The following PRKCE variants were observed in gnomAD, a reference collection of about 807,000 sequenced individuals.
The protein encoded by PRKCE is protein kinase C epsilon.
Under a neutral mutation model 85.4 loss-of-function variants are expected in PRKCE, and 16 were observed. That is an observed-to-expected ratio of 0.19 (90% CI 0.13 to 0.28). PRKCE has a LOEUF of 0.28. Among genes scored for constraint, PRKCE ranks in the 10% least tolerant of loss-of-function variants. The pLI, the probability that PRKCE is intolerant of heterozygous loss-of-function variation, is 1.00. For synonymous variants in PRKCE, 388 were observed against 371.5 expected (o/e 1.04, Z -0.51); for missense variants, 573 against 975.2 (o/e 0.59, Z 5.49).
chr2:46,128,182 A>G (rs1558483706), intron 11 of PRKCE, among the ~76,000 whole-genome samples: 2 of 152,042 alleles, frequency 1.3e-5, no homozygotes, highest in Non-Finnish European at 2.9e-5. Flanking sequence ...GTCATTTGCC[A>G]TTGTGTTGTT....
At chr2:46,069,346 C>G (rs537177648) in intron 10 of PRKCE, among the ~76,000 whole-genome samples, 1 of 152,156 alleles carries the variant, frequency 6.6e-6, no homozygotes, top group Non-Finnish European at 1.5e-5. Context: ...TGTCAGTAGG[C>G]CTTTTCTGGA....
At chr2:45,950,153 T>C (rs2104323711) in intron 2 of PRKCE, among the ~76,000 whole-genome samples, 1 of 152,362 alleles carries the variant, frequency 6.6e-6, no homozygotes, top group East Asian at 1.9e-4. Context: ...ATGTCTCTAA[T>C]TGGCATCCTG....
intron 13 of PRKCE, among the ~76,000 whole-genome samples, chr2:46,156,295 G>A (rs1476475788): frequency 6.6e-6 from 1 of 152,116 alleles, no homozygotes; most frequent in Non-Finnish European, 1.5e-5. Flanking sequence ...CTCAGCCTAG[G>A]TGTTGCCTCT....
intron 1 of PRKCE, among the ~76,000 whole-genome samples, chr2:45,703,665 C>G (rs918784985): frequency 6.6e-6 from 1 of 152,072 alleles, no homozygotes; most frequent in Non-Finnish European, 1.5e-5. Flanking sequence ...CTGCATGGAA[C>G]TGATTCTTCT....
chr2:45,964,326 C>T (rs1303856976), intron 2 of PRKCE, among the ~76,000 whole-genome samples: 2 of 152,174 alleles, frequency 1.3e-5, no homozygotes, highest in Non-Finnish European at 2.9e-5. Context: ...CCTCATGGAA[C>T]GTGAGCTCCA....
chr2:45,761,493 G>C (rs147372489), intron 1 of PRKCE, among the ~76,000 whole-genome samples: 46 of 152,252 alleles, frequency 3.0e-4, no homozygotes, highest in African/African-American at 9.6e-4. Context: ...ACGTCCAGAA[G>C]TATACACTTT....
chr2:46,112,699 TA>T (rs1330132556), intron 11 of PRKCE, among the ~76,000 whole-genome samples: 1 of 152,088 alleles, frequency 6.6e-6, no homozygotes. Flanking sequence ...TTTGTATTTT[TA>T]GTAGAGACAG....
intron 11 of PRKCE, among the ~76,000 whole-genome samples, chr2:46,098,648 A>G (rs984334803): frequency 6.6e-6 from 1 of 152,188 alleles, no homozygotes; most frequent in Non-Finnish European, 1.5e-5. Flanking sequence ...TTTTATGACT[A>G]TGCTGTGTTC....
intron 11 of PRKCE, among the ~76,000 whole-genome samples, chr2:46,120,764 C>G (rs913057195): frequency 6.6e-6 from 1 of 152,174 alleles, no homozygotes; most frequent in Non-Finnish European, 1.5e-5. Context: ...ATTGACCTTT[C>G]TTTCAAAGGA....
chr2:46,138,798 A>G lies in PRKCE; in HGVS notation c.1593-6295A>G, dbSNP rs754842653. 6.6e-6 allele frequency among the ~76,000 whole-genome samples: 1 copy of G among 152,236 alleles called. No individual in the cohort carries two copies. Among genetic ancestry groups the G allele is most frequent in the Non-Finnish European group, 1.5e-5 (1 of 68,034 alleles). On this transcript the variant is annotated intron_variant, in intron 11 of 14. Transcript: ENST00000306156. This position sits in a 1 kb window ranked among gnomAD's most constrained non-coding sequence, Gnocchi z 4.2. ...TCTAATGCGTAGAGACCAGGGTGCT[A>G]GTAAACATCCTGTAGTACACAGCAC... is the stretch of plus-strand genomic sequence containing the variant.
intron 2 of PRKCE, among the ~76,000 whole-genome samples, chr2:45,876,482 C>G (rs6741455): frequency 0.61 from 93,096 of 152,142 alleles, 29,193 homozygotes; most frequent in East Asian, 0.97. Flanking sequence ...TGTGGTCATA[C>G]ACGTTGTCTC....
chr2:45,706,043 AT>A (rs932724211), intron 1 of PRKCE, among the ~76,000 whole-genome samples: 2 of 152,072 alleles, frequency 1.3e-5, no homozygotes, highest in African/African-American at 4.8e-5. Context: ...TGGCCCTTGA[AT>A]TTTTTCTATT....
chr2:46,000,651 C>T (rs1401505488), intron 6 of PRKCE, among the ~76,000 whole-genome samples: 1 of 151,966 alleles, frequency 6.6e-6, no homozygotes, highest in Non-Finnish European at 1.5e-5. Context: ...TCCTGAAGAG[C>T]ACGACTCTCA....
chr2:45,983,574 G>A (rs1163396622), intron 5 of PRKCE, among the ~76,000 whole-genome samples: 1 of 152,138 alleles, frequency 6.6e-6, no homozygotes, highest in African/African-American at 2.4e-5. Flanking sequence ...CCACCCCTGA[G>A]GTCTCATTGA....
chr2:45,842,068 A>ACC (rs1691397230), intron 1 of PRKCE, among the ~76,000 whole-genome samples: 1 of 151,682 alleles, frequency 6.6e-6, no homozygotes, highest in African/African-American at 2.4e-5. Context: ...CAGAGTTACT[A>ACC]CTCTCTTATA....
At chr2:45,863,800 G>T (rs13017985) in intron 2 of PRKCE, among the ~76,000 whole-genome samples, 1 of 151,914 alleles carries the variant, frequency 6.6e-6, no homozygotes, top group Admixed American at 6.6e-5. Context: ...CTTCATCTGG[G>T]TGTGTAGGAG....
Position 45,713,989 on chromosome 2 carries a change from TA to T in PRKCE, c.348+61544del, listed in dbSNP as rs1679878890. ...CCTCCAAAAGGGAAGGGCATTGACA[TA>T]AAGTTATGTTCTTTTAATTTTACCA... is the stretch of plus-strand genomic sequence containing the variant. On this transcript the variant is annotated intron_variant, in intron 1 of 14. Transcript: ENST00000306156. Among the ~76,000 whole-genome samples the T allele has an allele frequency of 2.0e-5, 3 of 152,382 alleles. No individual in the cohort carries two copies. In the South Asian group the frequency reaches 6.2e-4, roughly 32 times the overall value.
intron 13 of PRKCE, among the ~76,000 whole-genome samples, chr2:46,158,571 C>T (rs1488534816): frequency 1.3e-5 from 2 of 152,172 alleles, no homozygotes; most frequent in Non-Finnish European, 2.9e-5. Context: ...GTTCCAAGGG[C>T]ATCAGGCAAG....
At chr2:45,661,316 G>C (rs1675629241) in intron 1 of PRKCE, among the ~76,000 whole-genome samples, 1 of 151,636 alleles carries the variant, frequency 6.6e-6, no homozygotes, top group Non-Finnish European at 1.5e-5. Context: ...CCAAGTAGCT[G>C]GGATTACAAG....
Sources: allele counts gnomAD v4.1 joint callset (sites outside exome capture counted in the v4.1 genomes callset), GRCh38; gene constraint gnomAD v4.1.1; non-coding constraint Gnocchi (gnomAD v3.1); transcripts MANE v1.5; gene names NCBI Gene and HGNC (gene_info 2026-07-23, HGNC 2026-07-21).